Variants in CEP63 observed in about 807,000 individuals in gnomAD.
The protein encoded by CEP63 is centrosomal protein 63.
In CEP63, 84 loss-of-function variants were observed where a neutral mutation model predicts 89.1. The ratio of observed to expected loss-of-function variants is 0.94; its 90% CI spans 0.79 to 1.13. CEP63 has a LOEUF of 1.13. CEP63 is among the 50% of genes most tolerant of loss of function. The pLI, the probability that CEP63 is intolerant of heterozygous loss-of-function variation, is 0.00. For missense variants in CEP63, 838 were observed against 813.3 expected, an observed-to-expected ratio of 1.03 and a Z score of -0.37; for synonymous variants, 267 against 272.5, an observed-to-expected ratio of 0.98 and a Z score of 0.20.
rs191651751 is a variant in CEP63 at position 134,562,164 on chromosome 3, G to T, written c.*629G>T. The T allele has an allele frequency of 1.6e-5, 16 of 986,850 alleles. No homozygotes were observed. The highest frequency in any genetic ancestry group is 1.4e-5 in the Non-Finnish European group (12 of 830,942). The allele number at this position is 986,850 out of a possible 1,614,324, so 61.1% of individuals were successfully genotyped here. A position where few individuals can be genotyped will look rare whatever the true frequency, so the allele number is the denominator to read the frequency against. ...GGGCAAGGGACTGGCTGTCATGCACGGTGCCCATGGAATATCCATTGGAAA... is the reference window on the plus strand; with the variant it reads ...GGGCAAGGGACTGGCTGTCATGCACTGTGCCCATGGAATATCCATTGGAAA... On this transcript the variant is annotated 3_prime_UTR_variant, in exon 15 of 15. Coordinates refer to ENST00000675561, the MANE Select transcript of CEP63 (RefSeq NM_001353108.3).
the CEP63 span, among the ~76,000 whole-genome samples, chr3:134,757,233 G>GAAACTGGAT: frequency 6.6e-6 from 1 of 152,138 alleles, no homozygotes; most frequent in South Asian, 2.1e-4. Context: ...GGAGCACCAG[G>GAAACTGGAT]GTTTGTGGCT....
the CEP63 span, among the ~76,000 whole-genome samples, chr3:134,631,634 T>C: frequency 6.6e-6 from 1 of 152,176 alleles, no homozygotes; most frequent in African/African-American, 2.4e-5. Flanking sequence ...TTCCTCATTC[T>C]ACTTGAAATG....
Position 134,486,587 on chromosome 3 carries a change from C to T in CEP63, c.-26+385C>T, listed in dbSNP as rs533902970. 5.0e-5 allele frequency: 46 copies of T among 928,830 alleles called. No homozygotes were observed. The South Asian group carries it at 1.6e-3, about 31-fold the overall frequency. The allele number at this position is 928,830 out of a possible 1,614,324, so 57.5% of individuals were successfully genotyped here. Reference sequence around the variant, plus strand: ...CGAGCGAGCTGCGCCCAGTACTCACCTTCCCCGGCGGACCCACCTTCCTTT... The same window carrying T: ...CGAGCGAGCTGCGCCCAGTACTCACTTTCCCCGGCGGACCCACCTTCCTTT... On this transcript the variant is annotated intron_variant, in intron 1 of 14. Coordinates refer to ENST00000675561, the MANE Select transcript of CEP63 (RefSeq NM_001353108.3).
chr3:134,733,539 T>A, the CEP63 span, among the ~76,000 whole-genome samples: 1 of 152,200 alleles, frequency 6.6e-6, no homozygotes, highest in African/African-American at 2.4e-5. Flanking sequence ...GATGAGGTTA[T>A]ACTGGGGTAG....
intron 11 of CEP63, among the ~76,000 whole-genome samples, chr3:134,571,942 C>G (rs1958026722): frequency 6.6e-6 from 1 of 152,114 alleles, no homozygotes; most frequent in Non-Finnish European, 1.5e-5. Context: ...TCTGTGATTT[C>G]TATTGGAATA....
the CEP63 span, among the ~76,000 whole-genome samples, chr3:134,746,147 C>T: frequency 2.7e-5 from 4 of 150,012 alleles, no homozygotes; most frequent in East Asian, 8.0e-4. Context: ...TCAACTCCTA[C>T]CTATGAGTGA....
At chr3:134,651,889 C>T in the CEP63 span, among the ~76,000 whole-genome samples, 3 of 152,186 alleles carry the variant, frequency 2.0e-5, no homozygotes, top group Non-Finnish European at 4.4e-5. Flanking sequence ...ACATAGGCTT[C>T]TGCCTGGTAC....
chr3:134,655,700 C>T, the CEP63 span, among the ~76,000 whole-genome samples: 10 of 152,090 alleles, frequency 6.6e-5, no homozygotes, highest in East Asian at 1.9e-4. Flanking sequence ...GCATAGTGCC[C>T]GAGCCAAGGA....
the CEP63 span, among the ~76,000 whole-genome samples, chr3:134,715,134 G>A: frequency 6.6e-6 from 1 of 152,166 alleles, no homozygotes; most frequent in African/African-American, 2.4e-5. Flanking sequence ...CATGGTTCCT[G>A]TAATTTGCAT....
chr3:134,510,662 TTTC>T, intron 3 of CEP63: 1 of 636,266 alleles, frequency 1.6e-6, no homozygotes, highest in Non-Finnish European at 2.9e-6. Flanking sequence ...CCTTCTTGCA[TTTC>T]TGGAGCCCAG....
intron 1 of CEP63, among the ~76,000 whole-genome samples, chr3:134,488,452 C>T (rs1198359744): frequency 6.6e-6 from 1 of 151,466 alleles, no homozygotes; most frequent in Non-Finnish European, 1.5e-5. Context: ...ACTGAAAATG[C>T]AATAAAATTA....
chr3:134,514,161 A>G (rs1484158326), intron 3 of CEP63, among the ~76,000 whole-genome samples: 1 of 152,208 alleles, frequency 6.6e-6, no homozygotes, highest in African/African-American at 2.4e-5. Flanking sequence ...AGAATTAAAA[A>G]CTGTAAAAAA....
At chr3:134,610,600 G>C in the CEP63 span, 1 of 517,696 alleles carries the variant, frequency 1.9e-6, no homozygotes, top group Non-Finnish European at 3.4e-6. Flanking sequence ...TGTTGGTACA[G>C]ACTGGCTGCA....
chr3:134,533,049 A>T, intron 5 of CEP63, 149 bp downstream of exon 5: 2 of 796,354 alleles, frequency 2.5e-6, no homozygotes, highest in South Asian at 3.0e-5. Flanking sequence ...GTGATCCACC[A>T]TACATCCTAT....
intron 2 of CEP63, among the ~76,000 whole-genome samples, chr3:134,503,840 G>GTTTCATTTGTGTAGGATATTT (rs1553747195): frequency 1.3e-5 from 2 of 151,348 alleles, no homozygotes; most frequent in African/African-American, 2.4e-5. Flanking sequence ...CATGTTTTTG[G>GTTTCATTTGTGTAGGATATTT]TTTCCCATCT....
At position 134,545,672 on chromosome 3, in the gene CEP63, G is replaced by A. The variant is rs1423721524; in HGVS notation, c.642G>A (p.Glu214=). The A allele has an allele frequency of 9.3e-6, 15 of 1,614,004 alleles. No individual in the cohort carries two copies. Among genetic ancestry groups the A allele is most frequent in the Non-Finnish European group, 1.1e-5 (13 of 1,180,020 alleles). ...TTCAACACTTAAGCAGTAAACTGGAGCGGGCTAATGACACTATCTGTGCCA... is the reference window on the plus strand; with the variant it reads ...TTCAACACTTAAGCAGTAAACTGGAACGGGCTAATGACACTATCTGTGCCA... The part of the protein sequence containing the change: ...SEIQHLSSKL[E]RANDTICANE... Residue 214 remains glutamate (E), a synonymous_variant, in exon 7 of 15, where the codon GAG becomes GAA. Coordinates refer to ENST00000675561, the MANE Select transcript of CEP63 (RefSeq NM_001353108.3).
At chr3:134,733,868 T>A in the CEP63 span, among the ~76,000 whole-genome samples, 2 of 150,806 alleles carry the variant, frequency 1.3e-5, no homozygotes, top group East Asian at 3.9e-4. Context: ...AGGAAACGCA[T>A]GTAGATGGAT....
At chr3:134,770,984 C>G in the CEP63 span, among the ~76,000 whole-genome samples, 16 of 152,328 alleles carry the variant, frequency 1.1e-4, no homozygotes, top group South Asian at 3.1e-3. Context: ...TAGCAACCGT[C>G]TCCAAATTTG....
chr3:134,733,309 G>T, the CEP63 span, among the ~76,000 whole-genome samples: 1 of 151,004 alleles, frequency 6.6e-6, no homozygotes, highest in Non-Finnish European at 1.5e-5. Flanking sequence ...ACTTACTCCA[G>T]AATGATAAAA....
Sources: gnomAD v4.1 joint callset for allele counts (sites outside exome capture counted in the v4.1 genomes callset) on GRCh38, gnomAD v4.1.1 for gene constraint, MANE v1.5 for transcripts, NCBI Gene and HGNC (gene_info 2026-07-23, HGNC 2026-07-21) for gene names.